The following POU2AF1 variants were observed in gnomAD, a reference collection of about 807,000 sequenced individuals.
POU2AF1 encodes the protein POU class 2 homeobox associating factor 1.
Under a neutral mutation model 26.3 loss-of-function variants are expected in POU2AF1, and 12 were observed. The ratio of observed to expected loss-of-function variants is 0.46; its 90% confidence interval spans 0.29 to 0.74. POU2AF1 has a LOEUF of 0.74. Ranked by LOEUF, POU2AF1 falls within the 30% of genes least tolerant of loss-of-function variation. The pLI is 0.09. For missense variants in POU2AF1, 297 were observed against 334.5 expected (o/e 0.89, Z 0.87); for synonymous variants, 175 against 148.0 (o/e 1.18, Z -1.32).
intron 1 of POU2AF1, chr11:111,363,958 TGAG>T: frequency 1.0e-6 from 1 of 985,394 alleles, no homozygotes; most frequent in Non-Finnish European, 1.2e-6. Context: ...TTTTTCGGGC[TGAG>T]AAGTTCACCA....
Position 111,364,143 on chromosome 11 carries a change from C to T in POU2AF1, c.17-5225G>A, listed in dbSNP as rs550918042. 1.7e-5 allele frequency: 4 copies of T among 234,912 alleles called. No homozygotes were observed. The South Asian group carries it at 6.3e-4, about 37-fold the overall frequency. 14.6% of individuals were successfully genotyped at this position (234,912 alleles called of 1,614,324 possible). ...TCAGCAGAGACTATTTCAGTTCCCC[C>T]TGCCACACACCCAGACATGCTCCAC... On this transcript the variant is annotated intron_variant, in intron 1 of 4. Coordinates refer to ENST00000393067, the MANE Select transcript of POU2AF1 (RefSeq NM_006235.3).
At chr11:111,377,690 C>T (rs933993956) in intron 1 of POU2AF1, 4 of 173,912 alleles carry the variant, frequency 2.3e-5, no homozygotes, top group African/African-American at 9.5e-5. Context: ...CTTCCAGGGG[C>T]TCACACAAAA....
At chr11:111,368,993 G>T (rs978703936) in intron 1 of POU2AF1, among the ~76,000 whole-genome samples, 2 of 152,182 alleles carry the variant, frequency 1.3e-5, no homozygotes, top group Non-Finnish European at 2.9e-5. Flanking sequence ...GCTACATCCT[G>T]ATACTGAATG....
At chr11:111,357,414 G>A in intron 4 of POU2AF1, 31 bp downstream of exon 4, 2 of 1,613,420 alleles carry the variant, frequency 1.2e-6, no homozygotes, top group Non-Finnish European at 1.7e-6. Context: ...CTCAGCATGG[G>A]CGGGTGCAGT....
In POU2AF1 at chr11:111,358,444, A is replaced by ACACACTCACACACACT. The variant is rs1555074391; in HGVS notation, c.147+343_147+344insAGTGTGTGTGAGTGTG. On this transcript the variant is annotated intron_variant, in intron 2 of 4. Coordinates refer to ENST00000393067, the MANE Select transcript of POU2AF1 (RefSeq NM_006235.3). ...CGCTCACACTCTCACACTCACTCTCACACACACACACTCTCTCACACACAT... is the reference window on the plus strand; with the variant it reads ...CGCTCACACTCTCACACTCACTCTCACACACTCACACACACTCACACACACACTCTCTCACACACAT... Among the ~76,000 whole-genome samples the ACACACTCACACACACT allele has an allele frequency of 1.9e-3, 112 of 60,304 alleles. 2 individuals are homozygous for ACACACTCACACACACT. Among genetic ancestry groups the ACACACTCACACACACT allele is most frequent in the African/African-American group, 5.5e-3 (101 of 18,314 alleles). 39.6% of individuals were successfully genotyped at this position (60,304 alleles called of 152,430 possible).
At chr11:111,360,568 C>T (rs1860987077) in intron 1 of POU2AF1, among the ~76,000 whole-genome samples, 1 of 152,172 alleles carries the variant, frequency 6.6e-6, no homozygotes, top group African/African-American at 2.4e-5. Context: ...ACCCATCCTC[C>T]AAGGTCCCTC....
At chr11:111,370,858 A>G (rs1397223525) in intron 1 of POU2AF1, among the ~76,000 whole-genome samples, 1 of 152,214 alleles carries the variant, frequency 6.6e-6, no homozygotes, top group Non-Finnish European at 1.5e-5. Flanking sequence ...CCCTGATTCC[A>G]TCATCCCCAC....
At chr11:111,360,167 T>C (rs2135118183) in intron 1 of POU2AF1, among the ~76,000 whole-genome samples, 1 of 151,934 alleles carries the variant, frequency 6.6e-6, no homozygotes, top group Middle Eastern at 3.4e-3. Context: ...CTAGACAGCC[T>C]GTGGCCTAGG....
In POU2AF1 at chr11:111,354,299, A is replaced by T. The variant is rs774213797; in HGVS notation, c.733T>A (p.Tyr245Asn). The part of the protein sequence containing the change: ...LLLEEEDSDA[Y>N]ALNHTLSVEG... ...ACAGAGAGAGTGTGGTTAAGCGCAT[A>T]GGCGTCGCTATCCTCTTCCTCCAAA... Residue 245 changes from tyrosine to asparagine, a missense_variant, in exon 5 of 5, where the codon TAT becomes AAT. Coordinates refer to ENST00000393067, the MANE Select transcript of POU2AF1 (RefSeq NM_006235.3). The T allele has an allele frequency of 6.2e-7, 1 of 1,614,262 alleles. No individual in the cohort carries two copies. The highest frequency in any genetic ancestry group is 8.5e-7 in the Non-Finnish European group (1 of 1,180,052).
chr11:111,370,324 T>C (rs1267659492), intron 1 of POU2AF1, among the ~76,000 whole-genome samples: 2 of 152,128 alleles, frequency 1.3e-5, no homozygotes, highest in Non-Finnish European at 2.9e-5. Context: ...TTTTAGGAAT[T>C]TACCTCCTCT....
At chr11:111,358,641 A>G in intron 2 of POU2AF1, 147 bp downstream of exon 2, 1 of 944,688 alleles carries the variant, frequency 1.1e-6, no homozygotes, top group Admixed American at 2.2e-5. Context: ...CTCTCACACT[A>G]TCACACTCTC....
intron 1 of POU2AF1, among the ~76,000 whole-genome samples, chr11:111,362,404 TATTC>T (rs1391667148): frequency 1.3e-5 from 2 of 152,202 alleles, no homozygotes; most frequent in African/African-American, 4.8e-5. Context: ...TACTGGATCA[TATTC>T]ATTCTATCTA....
At chr11:111,359,511 C>T in intron 1 of POU2AF1, 1 of 181,802 alleles carries the variant, frequency 5.5e-6, no homozygotes, top group Non-Finnish European at 1.2e-5. Context: ...GCCTCAAATC[C>T]TGCCCCTGCC....
intron 1 of POU2AF1, among the ~76,000 whole-genome samples, chr11:111,372,921 G>T (rs890816716): frequency 6.6e-6 from 1 of 152,142 alleles, no homozygotes. Context: ...CCGAAGATGT[G>T]ATGCTCACAG....
intron 1 of POU2AF1, among the ~76,000 whole-genome samples, chr11:111,370,692 G>A (rs1024694382): frequency 6.6e-6 from 1 of 152,166 alleles, no homozygotes; most frequent in Admixed American, 6.5e-5. Context: ...TAGCAAAAAT[G>A]TTATAGACAT....
chr11:111,357,114 C>T (rs1024074426), intron 4 of POU2AF1, among the ~76,000 whole-genome samples: 9 of 152,146 alleles, frequency 5.9e-5, no homozygotes, highest in African/African-American at 1.9e-4. Context: ...ATGTAGATCT[C>T]GCCTGGTGCC....
chr11:111,357,616 G>A lies in POU2AF1; in HGVS notation c.285C>T (p.Thr95=). ...GTGTCCATGGGGCCAGGGGCTGCAG[G>A]GTGGCCGGGGTGGGCTGGGAGAGCC... ...AGWLSQPTPA[T]LQPLAPWTPY... The change falls in exon 4 of 5, where the codon ACC becomes ACT. Residue 95 remains threonine (T), a synonymous_variant. Coordinates refer to ENST00000393067, the MANE Select transcript of POU2AF1 (RefSeq NM_006235.3). The A allele has an allele frequency of 3.1e-6, 5 of 1,614,024 alleles. No homozygotes were observed. Among genetic ancestry groups the A allele is most frequent in the Non-Finnish European group, 3.4e-6 (4 of 1,179,964 alleles).
chr11:111,363,908 C>T (rs915219273), intron 1 of POU2AF1: 2 of 985,364 alleles, frequency 2.0e-6, no homozygotes, highest in East Asian at 1.1e-4. Flanking sequence ...AAAATCTTTC[C>T]ACCTTAGCAT....
intron 4 of POU2AF1, among the ~76,000 whole-genome samples, chr11:111,355,328 C>T (rs1034205049): frequency 4.6e-5 from 7 of 152,228 alleles, no homozygotes; most frequent in Non-Finnish European, 7.3e-5. Flanking sequence ...GAATGCTCTG[C>T]GAGTCATACC....
Sources: allele counts gnomAD v4.1 joint callset (sites outside exome capture counted in the v4.1 genomes callset), GRCh38; gene constraint gnomAD v4.1.1; transcripts MANE v1.5; gene names NCBI Gene and HGNC (gene_info 2026-07-23, HGNC 2026-07-21).